Variants in OSTM1 observed in about 807,000 individuals in gnomAD.
OSTM1 encodes osteopetrosis-associated transmembrane protein 1.
A neutral mutation model predicts 35.4 loss-of-function variants in OSTM1; 26 were observed. The ratio of observed to expected loss-of-function variants is 0.73; its 90% CI spans 0.54 to 1.02. The LOEUF (loss-of-function observed/expected upper bound fraction) is 1.02, where lower values mean the gene tolerates loss of function less well. Ranked by LOEUF, OSTM1 falls within the 50% of genes least tolerant of loss-of-function variation. The pLI is 0.00. For missense variants in OSTM1, 366 were observed against 409.6 expected (o/e 0.89, Z 0.92); for synonymous variants, 181 against 165.0 (o/e 1.10, Z -0.75).
At chr6:108,051,865 C>A (rs77961585) in intron 3 of OSTM1, among the ~76,000 whole-genome samples, 2 of 152,216 alleles carry the variant, frequency 1.3e-5, no homozygotes, top group Non-Finnish European at 2.9e-5. Context: ...TACTTCTAGA[C>A]TGACACTTGT....
Position 108,041,697 on chromosome 6 carries a change from G to A in OSTM1, c.*3088C>T, listed in dbSNP as rs1771871247. On this transcript the variant is annotated 3_prime_UTR_variant, in exon 6 of 6. Coordinates refer to ENST00000193322, the MANE Select transcript of OSTM1 (RefSeq NM_014028.4). ...AAGAGTTGACTATCAAAGAATGACTGTTATAAATAAAGAGCTCTATGATGT... is the reference window on the plus strand; with the variant it reads ...AAGAGTTGACTATCAAAGAATGACTATTATAAATAAAGAGCTCTATGATGT... 6.6e-6 allele frequency: 1 copy of A among 152,138 alleles called. No individual in the cohort carries two copies. Among genetic ancestry groups the A allele is most frequent in the African/African-American group, 2.4e-5 (1 of 41,430 alleles). 9.4% of individuals were successfully genotyped at this position (152,138 alleles called of 1,614,324 possible).
At chr6:108,048,170 T>C (rs575957738) in intron 5 of OSTM1, among the ~76,000 whole-genome samples, 1 of 152,286 alleles carries the variant, frequency 6.6e-6, no homozygotes, top group South Asian at 2.1e-4. Flanking sequence ...AAATTAGATA[T>C]ATTAGAAGTG....
intron 4 of OSTM1, chr6:108,049,655 G>A: frequency 1.3e-6 from 1 of 776,924 alleles, no homozygotes; most frequent in Non-Finnish European, 1.8e-6. Flanking sequence ...CCATAATACT[G>A]ACCAAAGTAT....
chr6:108,049,921 A>T (rs1772045955), intron 4 of OSTM1, among the ~76,000 whole-genome samples: 1 of 152,146 alleles, frequency 6.6e-6, no homozygotes, highest in Admixed American at 6.5e-5. Context: ...GTGATAATTC[A>T]CACATTCTCA....
Position 108,074,564 on chromosome 6 carries a change from G to C in OSTM1, c.88C>G (p.Leu30Val), listed in dbSNP as rs1343688135. ...CTGCTGCCGAAGGGGAGCGCGCCCA[G>C]GGCCAGCCCCGACCACAGCAGCAGC... is the stretch of plus-strand genomic sequence containing the variant. ...LGLLLWSGLA[L>V]GALPFGSSPH... is the part of the protein sequence containing the mutation. Residue 30 changes from leucine (L) to valine (V), a missense_variant, in exon 1 of 6, where the codon CTG becomes GTG. Physicochemically the swap from Leu to Val is conservative, Grantham distance 32. Around this residue, in one of 3 missense-constraint regions of OSTM1, gnomAD observed 236 missense variants for 239.3 expected, o/e 0.99. Coordinates refer to ENST00000193322, the MANE Select transcript of OSTM1 (RefSeq NM_014028.4). 1.3e-6 allele frequency: 2 copies of C among 1,560,708 alleles called. No homozygotes were observed. The highest frequency in any genetic ancestry group is 1.7e-4 in the Middle Eastern group (1 of 5,800).
intron 2 of OSTM1, chr6:108,060,986 A>G (rs1346647638): frequency 6.6e-6 from 1 of 152,186 alleles, no homozygotes; most frequent in Non-Finnish European, 1.5e-5. Flanking sequence ...TATTCCAATT[A>G]ACTGATTTTA....
At chr6:108,060,432 T>C (rs9400186) in intron 2 of OSTM1, among the ~76,000 whole-genome samples, 14,019 of 152,230 alleles carry the variant, frequency 0.092, 1,191 homozygotes, top group Admixed American at 0.21. Context: ...CAAAACACCT[T>C]TTAAGCCAGG....
rs1214513616 is a variant in OSTM1 at position 108,043,648 on chromosome 6, T to A, written c.*1137A>T. ...ACGGAGTGTTTTTTCTAAAGGCTAATACAAACATACCAAAATAGAATTTCT... is the reference window on the plus strand; with the variant it reads ...ACGGAGTGTTTTTTCTAAAGGCTAAAACAAACATACCAAAATAGAATTTCT... On this transcript the variant is annotated 3_prime_UTR_variant, in exon 6 of 6. Coordinates refer to ENST00000193322, the MANE Select transcript of OSTM1 (RefSeq NM_014028.4). The A allele has an allele frequency of 6.6e-6, 1 of 152,212 alleles. No individual in the cohort carries two copies. The highest frequency in any genetic ancestry group is 2.4e-5 in the African/African-American group (1 of 41,450). 9.4% of individuals were successfully genotyped at this position (152,212 alleles called of 1,614,324 possible). A position where few individuals can be genotyped will look rare whatever the true frequency, so the allele number is the denominator to read the frequency against.
intron 1 of OSTM1, among the ~76,000 whole-genome samples, chr6:108,069,694 G>C (rs865962431): frequency 3.4e-4 from 52 of 152,238 alleles, no homozygotes; most frequent in Admixed American, 7.8e-4. Flanking sequence ...TGACTCTAAG[G>C]AAGAGGGAAT....
chr6:108,065,696 C>G (rs1001849056), intron 1 of OSTM1, among the ~76,000 whole-genome samples: 1 of 152,192 alleles, frequency 6.6e-6, no homozygotes, highest in African/African-American at 2.4e-5. Flanking sequence ...ACATTAATCA[C>G]TCAGCACACT....
intron 1 of OSTM1, among the ~76,000 whole-genome samples, chr6:108,067,821 C>A (rs1380433591): frequency 8.7e-6 from 1 of 114,448 alleles, no homozygotes; most frequent in Non-Finnish European, 1.7e-5. Flanking sequence ...CAGAGCGAGC[C>A]TCTGTCTAAA....
intron 1 of OSTM1, among the ~76,000 whole-genome samples, chr6:108,067,049 A>C (rs993570109): frequency 2.1e-4 from 32 of 152,222 alleles, no homozygotes; most frequent in Admixed American, 5.2e-4. Context: ...GCTGGCAAAA[A>C]ATTAACAACA....
At chr6:108,063,840 A>G (rs1772331113) in intron 2 of OSTM1, among the ~76,000 whole-genome samples, 1 of 152,230 alleles carries the variant, frequency 6.6e-6, no homozygotes, top group South Asian at 2.1e-4. Context: ...TATATAAGAT[A>G]GGTTCTATCA....
chr6:108,054,659 G>C (rs928523507), intron 2 of OSTM1, 72 bp from the exon 3 acceptor site: 3 of 735,042 alleles, frequency 4.1e-6, no homozygotes, highest in Non-Finnish European at 7.2e-6. Context: ...TATATCTTAA[G>C]CTATCAGCTT....
intron 1 of OSTM1, among the ~76,000 whole-genome samples, 168 bp downstream of exon 1, chr6:108,074,082 A>T (rs996699035): frequency 1.3e-5 from 2 of 152,110 alleles, no homozygotes; most frequent in African/African-American, 4.8e-5. Context: ...CCAAATCCCA[A>T]GCCCCATAAT....
intron 5 of OSTM1, among the ~76,000 whole-genome samples, chr6:108,046,941 T>A (rs1200254045): frequency 6.6e-6 from 1 of 152,204 alleles, no homozygotes; most frequent in Non-Finnish European, 1.5e-5. Context: ...CTTCCTTGCC[T>A]TTATATTCCC....
At position 108,052,407 on chromosome 6, in the gene OSTM1, C is replaced by T. The variant is rs937534279; in HGVS notation, c.616-1209G>A. ...GAGATCGCGCCACTGCACTCTAGCCCGGGTGACAGAGCGAGACTCCGTCTC... is the reference window on the plus strand; with the variant it reads ...GAGATCGCGCCACTGCACTCTAGCCTGGGTGACAGAGCGAGACTCCGTCTC... On this transcript the variant is annotated intron_variant, in intron 3 of 5. Transcript: ENST00000193322. Among the ~76,000 whole-genome samples the T allele has an allele frequency of 1.7e-3, 244 of 141,470 alleles. 1 individual carries two copies. Among genetic ancestry groups the T allele is most frequent in the African/African-American group, 5.9e-3 (220 of 37,528 alleles). The allele number at this position is 141,470 out of a possible 152,430, so 92.8% of individuals were successfully genotyped here.
At position 108,042,312 on chromosome 6, in the gene OSTM1, A is replaced by T. The variant is rs572608557; in HGVS notation, c.*2473T>A. 1 of 150,814 alleles carries T rather than the reference A, an allele frequency of 6.6e-6. No individual in the cohort carries two copies. Among genetic ancestry groups the T allele is most frequent in the Non-Finnish European group, 1.5e-5 (1 of 67,656 alleles). The allele number at this position is 150,814 out of a possible 1,614,324, so 9.3% of individuals were successfully genotyped here. A position where few individuals can be genotyped will look rare whatever the true frequency, so the allele number is the denominator to read the frequency against. Reference sequence around the variant, plus strand: ...AATTAATTATAAAAAAAAAAGAAAAAATATATCTGATGTTATTTCTATCTC... The same window carrying T: ...AATTAATTATAAAAAAAAAAGAAAATATATATCTGATGTTATTTCTATCTC... On this transcript the variant is annotated 3_prime_UTR_variant, in exon 6 of 6. Transcript: ENST00000193322.
At chr6:108,054,710 A>C (rs1177495556) in intron 2 of OSTM1, 123 bp from the exon 3 acceptor site, 1 of 491,494 alleles carries the variant, frequency 2.0e-6, no homozygotes, top group African/African-American at 1.9e-5. Flanking sequence ...ACAAGCATGA[A>C]TTTTCCAAAT....
Sources: gnomAD v4.1 joint callset for allele counts (sites outside exome capture counted in the v4.1 genomes callset) on GRCh38, gnomAD v4.1.1 for gene constraint, gnomAD v4.1.1 regional missense constraint, MANE v1.5 for transcripts, NCBI Gene and HGNC (gene_info 2026-07-23, HGNC 2026-07-21) for gene names.